Variants in PSD3 observed in about 807,000 individuals in gnomAD.
PSD3 encodes pleckstrin and Sec7 domain containing 3.
PSD3 carries 49 observed loss-of-function variants against 105.5 expected under a neutral mutation model. The ratio of observed to expected loss-of-function variants is 0.46; its 90% CI spans 0.37 to 0.59. The LOEUF is 0.59. Ranked by LOEUF, PSD3 falls within the 20% of genes least tolerant of loss-of-function variation. PSD3 has a pLI of 0.00. For missense variants in PSD3, 1,561 were observed against 1,263.8 expected, an observed-to-expected ratio of 1.24 and a Z score of -3.57; for synonymous variants, 557 against 457.8, an observed-to-expected ratio of 1.22 and a Z score of -2.77.
chr8:18,794,898 G>A lies in PSD3; in HGVS notation c.2082+4397C>T, dbSNP rs1358567843. ...TACGAGAAACACCCACAGGTGTGTA[G>A]GGGCAACCCACCCCTACATGAAGCA... On this transcript the variant is annotated intron_variant, in intron 8 of 15. Coordinates refer to ENST00000327040, the MANE Select transcript of PSD3 (RefSeq NM_015310.4). Among the ~76,000 whole-genome samples the A allele has an allele frequency of 1.4e-4, 2 of 14,342 alleles. 1 individual carries two copies. Among genetic ancestry groups the A allele is most frequent in the East Asian group, 1.1e-3 (2 of 1,820 alleles). The allele number at this position is 14,342 out of a possible 152,430, so 9.4% of individuals were successfully genotyped here. A position where few individuals can be genotyped will look rare whatever the true frequency, so the allele number is the denominator to read the frequency against.
At chr8:18,741,290 A>T (rs1804553652) in intron 9 of PSD3, among the ~76,000 whole-genome samples, 1 of 152,140 alleles carries the variant, frequency 6.6e-6, no homozygotes, top group South Asian at 2.1e-4. Context: ...ATGGTTAGAG[A>T]AAGTGGACTC....
At chr8:18,607,905 G>C (rs976833453) in intron 11 of PSD3, among the ~76,000 whole-genome samples, 4 of 151,992 alleles carry the variant, frequency 2.6e-5, no homozygotes, top group African/African-American at 9.7e-5. Flanking sequence ...GAGAAGTGCC[G>C]AGCAAAAAGG....
Position 18,556,235 on chromosome 8 carries a change from G to A in PSD3, c.2902C>T (p.Leu968=). 6.2e-7 allele frequency: 1 copy of A among 1,614,114 alleles called. No homozygotes were observed. The highest frequency in any genetic ancestry group is 8.5e-7 in the Non-Finnish European group (1 of 1,179,972). The stretch of plus-strand genomic sequence containing the variant: ...TCAAACTCCAGATAGTGGTCTTTCA[G>A]TTTGTACTCATCGACGTCCTTGGCT... ...VKAKDVDEYK[L]KDHYLEFEKT... Residue 968 remains leucine, a synonymous_variant, in exon 15 of 16, where the codon CTG becomes TTG. Coordinates refer to ENST00000327040, the MANE Select transcript of PSD3 (RefSeq NM_015310.4).
Position 18,608,891 on chromosome 8 carries a change from C to T in PSD3, c.2411-8457G>A, listed in dbSNP as rs185536317. 2.5e-4 allele frequency among the ~76,000 whole-genome samples: 38 copies of T among 152,198 alleles called. 2 individuals carry two copies. In the East Asian group the frequency reaches 6.7e-3, roughly 27 times the overall value. ...GGATTGTGTTTAAGATTTTACTGTT[C>T]CAATTTTCTATTTCATTCAAATGGC... On this transcript the variant is annotated intron_variant, in intron 11 of 15. Transcript: ENST00000327040.
intron 9 of PSD3, among the ~76,000 whole-genome samples, chr8:18,752,639 TATAATATATATA>T (rs1585841382): frequency 2.4e-5 from 2 of 84,448 alleles, no homozygotes; most frequent in African/African-American, 6.5e-5. Context: ...ATATAATATA[TATAATATATATA>T]ATATATTATA....
chr8:18,929,686 C>A (rs895553458), intron 2 of PSD3, among the ~76,000 whole-genome samples: 1 of 152,070 alleles, frequency 6.6e-6, no homozygotes, highest in Non-Finnish European at 1.5e-5. Context: ...TTCATTCATG[C>A]ATATGAATGA....
chr8:19,062,917 G>C (rs563189359), intron 1 of PSD3, among the ~76,000 whole-genome samples: 1 of 152,162 alleles, frequency 6.6e-6, no homozygotes, highest in South Asian at 2.1e-4. Context: ...AGAAAACTCA[G>C]GGCCATTAAA....
intron 11 of PSD3, among the ~76,000 whole-genome samples, chr8:18,616,664 C>T (rs1345858456): frequency 3.0e-5 from 4 of 135,064 alleles, no homozygotes; most frequent in African/African-American, 5.6e-5. Context: ...CGCTCTGTCG[C>T]CCAGGCTGGA....
intron 14 of PSD3, among the ~76,000 whole-genome samples, chr8:18,565,568 G>C (rs770107585): frequency 5.2e-4 from 71 of 136,080 alleles, no homozygotes; most frequent in Non-Finnish European, 1.0e-3. Context: ...TCTTGAAAAA[G>C]CACCAAACAA....
At chr8:19,052,608 G>A (rs334206) in intron 1 of PSD3, among the ~76,000 whole-genome samples, 42,943 of 152,150 alleles carry the variant, frequency 0.28, 7,173 homozygotes, top group East Asian at 0.58. Context: ...CCTAAACTCA[G>A]ATCTTGAGGA....
At chr8:18,807,630 C>A (rs7837572) in intron 4 of PSD3, among the ~76,000 whole-genome samples, 1 of 151,990 alleles carries the variant, frequency 6.6e-6, no homozygotes, top group African/African-American at 2.4e-5. Flanking sequence ...AATGGCAGAA[C>A]AGCAGGCATT....
chr8:18,709,513 G>C (rs561642389), intron 9 of PSD3, among the ~76,000 whole-genome samples: 1 of 152,360 alleles, frequency 6.6e-6, no homozygotes, highest in South Asian at 2.1e-4. Flanking sequence ...TTCTTCAAGA[G>C]GGTCCCTGAT....
chr8:19,059,862 C>T (rs1050330326), intron 1 of PSD3, among the ~76,000 whole-genome samples: 2 of 152,208 alleles, frequency 1.3e-5, no homozygotes, highest in South Asian at 2.1e-4. Context: ...CTCCAGGGCA[C>T]CTACCAGGCT....
At chr8:19,078,105 G>A (rs1225760771) in intron 1 of PSD3, among the ~76,000 whole-genome samples, 3 of 151,982 alleles carry the variant, frequency 2.0e-5, no homozygotes, top group Non-Finnish European at 4.4e-5. Context: ...GTCACAACTC[G>A]CTGCAGCCTC....
Position 18,871,881 on chromosome 8 carries a change from CT to C in PSD3, c.982del (p.Arg328GlufsTer29), listed in dbSNP as rs1279212035. 6.2e-7 allele frequency: 1 copy of C among 1,614,212 alleles called. No individual in the cohort carries two copies. The highest frequency in any genetic ancestry group is 1.7e-5 in the Admixed American group (1 of 60,022). On this transcript the variant is annotated frameshift_variant, in exon 3 of 16. Transcript: ENST00000327040. LOFTEE classifies it high-confidence loss of function. ...CTCTTTGCTGTCAGGAGAGGCTGTT[CT>C]TTGCAGTGATGTCTCAAAATCTATA... ...HPIDFETSLQ[R>X]TASPDSKESS...
At chr8:19,039,564 A>C (rs1828055444) in intron 1 of PSD3, among the ~76,000 whole-genome samples, 1 of 152,160 alleles carries the variant, frequency 6.6e-6, no homozygotes, top group Non-Finnish European at 1.5e-5. Context: ...AGAGGTCTTC[A>C]TCAAACCCTT....
intron 9 of PSD3, among the ~76,000 whole-genome samples, chr8:18,757,826 G>A (rs1388926510): frequency 6.6e-6 from 1 of 151,928 alleles, no homozygotes; most frequent in East Asian, 1.9e-4. Context: ...TTCTTAAAAC[G>A]TCAGTGTTTT....
At chr8:18,774,414 AC>A (rs1470275761) in intron 8 of PSD3, 1 of 164,482 alleles carries the variant, frequency 6.1e-6, no homozygotes, top group Non-Finnish European at 1.3e-5. Context: ...TTTAAGATAT[AC>A]AAATTATTGT....
At chr8:18,539,252 G>A (rs1030877181) in intron 15 of PSD3, among the ~76,000 whole-genome samples, 4 of 152,162 alleles carry the variant, frequency 2.6e-5, no homozygotes, top group African/African-American at 9.7e-5. Flanking sequence ...AAATAAAATT[G>A]TCTCAGAATA....
Sources: allele counts gnomAD v4.1 joint callset (sites outside exome capture counted in the v4.1 genomes callset), GRCh38; gene constraint gnomAD v4.1.1; transcripts MANE v1.5; gene names NCBI Gene and HGNC (gene_info 2026-07-23, HGNC 2026-07-21).